The following SLC45A2 variants were observed in gnomAD, a reference collection of about 807,000 sequenced individuals.
SLC45A2 encodes solute carrier family 45 member 2, also known as membrane-associated transporter protein.
A neutral mutation model predicts 45.5 loss-of-function variants in SLC45A2; 36 were observed. The ratio of observed to expected loss-of-function variants is 0.79; its 90% CI spans 0.61 to 1.04. SLC45A2 has a LOEUF of 1.04. Among genes scored for constraint, SLC45A2 ranks in the 50% least tolerant of loss-of-function variants. SLC45A2 has a pLI of 0.00. For missense variants in SLC45A2, 719 were observed against 671.0 expected (o/e 1.07, Z -0.79); for synonymous variants, 306 against 269.3 (o/e 1.14, Z -1.33).
Position 33,974,967 on chromosome 5 carries a change from C to T in SLC45A2, c.562+7269G>A, listed in dbSNP as rs1181692742. Among the ~76,000 whole-genome samples, 7 of 150,106 alleles carry T rather than the reference C, an allele frequency of 4.7e-5. No individual in the cohort carries two copies. The South Asian group carries it at 1.2e-3, about 27-fold the overall frequency. ...TTATGAGTAATCTGAGAGATATTTA[C>T]GAATAATGTCGATTGTCATTGTCAC... is the stretch of plus-strand genomic sequence containing the variant. On this transcript the variant is annotated intron_variant, in intron 2 of 6. Transcript: ENST00000296589.
Position 33,944,762 on chromosome 5 carries a change from G to A in SLC45A2, c.1479C>T (p.Gly493=). The A allele has an allele frequency of 6.2e-7, 1 of 1,614,186 alleles. No homozygotes were observed. The highest frequency in any genetic ancestry group is 2.2e-5 in the East Asian group (1 of 44,882). ...VQLAQILVGG[G]LGFLVNTAGT... is the part of the protein sequence containing the mutation. Reference sequence around the variant, plus strand: ...CGGCTGTGTTGACCAGAAAGCCCAGGCCACCTCCGACCAGGATCTGAGCCA... The same window carrying A: ...CGGCTGTGTTGACCAGAAAGCCCAGACCACCTCCGACCAGGATCTGAGCCA... Residue 493 remains glycine (G), a synonymous_variant, in exon 7 of 7, where the codon GGC becomes GGT. Transcript: ENST00000296589.
chr5:33,980,869 AG>A (rs1441417444), intron 2 of SLC45A2, among the ~76,000 whole-genome samples: 1 of 152,224 alleles, frequency 6.6e-6, no homozygotes, highest in Non-Finnish European at 1.5e-5. Flanking sequence ...CACTGATGAG[AG>A]ATATCTGATG....
chr5:33,951,083 T>C (rs1752082513), intron 5 of SLC45A2, among the ~76,000 whole-genome samples: 1 of 152,186 alleles, frequency 6.6e-6, no homozygotes, highest in Non-Finnish European at 1.5e-5. Context: ...AATCCTGGTG[T>C]GGTGCTCCTA....
Position 33,984,643 on chromosome 5 carries a change from G to C in SLC45A2, c.-60C>G. 6.3e-7 allele frequency: 1 copy of C among 1,599,044 alleles called. No homozygotes were observed. The highest frequency in any genetic ancestry group is 8.5e-7 in the Non-Finnish European group (1 of 1,179,034). On this transcript the variant is annotated 5_prime_UTR_variant, in exon 1 of 7. Transcript: ENST00000296589. ...CACCTCCTGCGTGGTCCTAGGGTCT[G>C]TGTTTCAAACTGGATTTGACGTGGA...
Position 33,959,211 on chromosome 5 carries a change from T to C in SLC45A2, c.888+4480A>G, listed in dbSNP as rs373153892. Reference sequence around the variant, plus strand: ...TTTCCTCTATGTTATGCAGCTTTGTTTTCTCCCAAAAAAAGATGGTTTTGT... The same window carrying C: ...TTTCCTCTATGTTATGCAGCTTTGTCTTCTCCCAAAAAAAGATGGTTTTGT... On this transcript the variant is annotated intron_variant, in intron 3 of 6. Transcript: ENST00000296589. Among the ~76,000 whole-genome samples the C allele has an allele frequency of 6.6e-5, 10 of 152,312 alleles. No homozygotes were observed. The East Asian group carries it at 9.6e-4, about 15-fold the overall frequency.
chr5:33,963,231 G>C (rs538504744), intron 3 of SLC45A2, among the ~76,000 whole-genome samples: 1 of 152,120 alleles, frequency 6.6e-6, no homozygotes, highest in Non-Finnish European at 1.5e-5. Context: ...TTAAGCTGAT[G>C]AATTCACTGT....
At position 33,944,969 on chromosome 5, in the gene SLC45A2, T is replaced by C. The variant is rs1751880346; in HGVS notation, c.1369-97A>G. The C allele has an allele frequency of 2.7e-6, 3 of 1,125,522 alleles. No individual in the cohort carries two copies. The South Asian group carries it at 4.0e-5, about 15-fold the overall frequency. The allele number at this position is 1,125,522 out of a possible 1,614,324, so 69.7% of individuals were successfully genotyped here. On this transcript the variant is annotated intron_variant, in intron 6 of 6. Coordinates refer to ENST00000296589, the MANE Select transcript of SLC45A2 (RefSeq NM_016180.5). The stretch of plus-strand genomic sequence containing the variant: ...TTTCTGTGACCAGCCAGATAGTAAA[T>C]ACCTTTGGCTTCGTGGATTATACAG...
At chr5:33,968,959 T>C (rs1435937619) in intron 2 of SLC45A2, among the ~76,000 whole-genome samples, 1 of 152,088 alleles carries the variant, frequency 6.6e-6, no homozygotes, top group Admixed American at 6.6e-5. Flanking sequence ...AAAATAGCAA[T>C]GAAAGTGTCA....
chr5:33,969,192 GAC>G (rs574323890), intron 2 of SLC45A2, among the ~76,000 whole-genome samples: 26 of 151,216 alleles, frequency 1.7e-4, no homozygotes, highest in Non-Finnish European at 3.1e-4. Flanking sequence ...CAATGAGCAA[GAC>G]AGACATGACC....
At chr5:33,948,269 A>G (rs535476258) in intron 5 of SLC45A2, among the ~76,000 whole-genome samples, 3 of 152,306 alleles carry the variant, frequency 2.0e-5, no homozygotes, top group Admixed American at 2.0e-4. Context: ...TAGTGGCAGA[A>G]CTAATTTTTA....
At chr5:33,982,122 A>ATCAGCTGACCCGT (rs1386853869) in intron 2 of SLC45A2, 114 bp downstream of exon 2, 8 of 1,198,806 alleles carry the variant, frequency 6.7e-6, no homozygotes, top group African/African-American at 6.0e-5. Flanking sequence ...GGAGCAGCCC[A>ATCAGCTGACCCGT]TCAGCTGACC....
Position 33,984,402 on chromosome 5 carries a change from A to C in SLC45A2, c.182T>G (p.Leu61Arg). The C allele has an allele frequency of 6.2e-7, 1 of 1,613,572 alleles. No homozygotes were observed. The highest frequency in any genetic ancestry group is 2.2e-5 in the East Asian group (1 of 44,864). Reference sequence around the variant, plus strand: ...CAGGCTGCTGGGCAGACCTACGCTGAGCAGGACTGGGGTCACATACGCTGC... The same window carrying C: ...CAGGCTGCTGGGCAGACCTACGCTGCGCAGGACTGGGGTCACATACGCTGC... ...VEAAYVTPVL[L>R]SVGLPSSLYS... Residue 61 changes from leucine (L) to arginine (R), a missense_variant, in exon 1 of 7, where the codon CTC becomes CGC. Transcript: ENST00000296589.
At chr5:33,971,854 C>T (rs375792334) in intron 2 of SLC45A2, among the ~76,000 whole-genome samples, 12 of 152,194 alleles carry the variant, frequency 7.9e-5, no homozygotes, top group East Asian at 3.9e-4. Context: ...CTCGAACTCC[C>T]GACCTCAGGT....
At chr5:33,976,505 G>A (rs1752933431) in intron 2 of SLC45A2, among the ~76,000 whole-genome samples, 1 of 152,190 alleles carries the variant, frequency 6.6e-6, no homozygotes, top group Non-Finnish European at 1.5e-5. Context: ...GCTGGGAGGT[G>A]GTAAAATGTT....
chr5:33,961,841 G>T (rs775106736), intron 3 of SLC45A2, among the ~76,000 whole-genome samples: 30 of 152,118 alleles, frequency 2.0e-4, no homozygotes, highest in Non-Finnish European at 3.7e-4. Context: ...CTAACAAGAC[G>T]GGGGGTATTA....
At chr5:33,950,119 G>A (rs941283226) in intron 5 of SLC45A2, among the ~76,000 whole-genome samples, 1 of 152,090 alleles carries the variant, frequency 6.6e-6, no homozygotes, top group Non-Finnish European at 1.5e-5. Flanking sequence ...GAGCCCAGAA[G>A]GTTGAGGCTG....
In SLC45A2 at chr5:33,982,368, CA is replaced by C; in HGVS notation, c.429del (p.Ser143ArgfsTer4). The C allele has an allele frequency of 6.2e-7, 1 of 1,614,156 alleles. No homozygotes were observed. Among genetic ancestry groups the C allele is most frequent in the Non-Finnish European group, 8.5e-7 (1 of 1,180,032 alleles). On this transcript the variant is annotated frameshift_variant, in exon 2 of 7. Transcript: ENST00000296589. LOFTEE classifies it high-confidence loss of function. ...AAGAGAACGACACCTATCATGGTGA[CA>C]CTTATGGCCCAAACCAGCTTCCTCC... ...NPRRKLVWAI[S>X]VTMIGVVLFD...
intron 5 of SLC45A2, 138 bp downstream of exon 5, chr5:33,951,416 A>C (rs1752091127): frequency 6.3e-7 from 1 of 1,587,158 alleles, no homozygotes; most frequent in Non-Finnish European, 8.5e-7. Flanking sequence ...TTTTAAGGTG[A>C]TAGTTTTTCC....
At position 33,960,252 on chromosome 5, in the gene SLC45A2, T is replaced by C. The variant is rs557049119; in HGVS notation, c.888+3439A>G. 1.7e-3 allele frequency among the ~76,000 whole-genome samples: 256 copies of C among 147,092 alleles called. 1 individual carries two copies. Among genetic ancestry groups the C allele is most frequent in the African/African-American group, 6.2e-3 (248 of 39,744 alleles). ...TCACTGCATCCACGTCAACATCTAT[T>C]TTTTTTATTATGGACATTCATCTGA... On this transcript the variant is annotated intron_variant, in intron 3 of 6. Coordinates refer to ENST00000296589, the MANE Select transcript of SLC45A2 (RefSeq NM_016180.5).
Sources: allele counts gnomAD v4.1 joint callset (sites outside exome capture counted in the v4.1 genomes callset), GRCh38; gene constraint gnomAD v4.1.1; transcripts MANE v1.5; gene names NCBI Gene and HGNC (gene_info 2026-07-23, HGNC 2026-07-21).